The following PPP1R12B variants were observed in gnomAD, a reference collection of about 807,000 sequenced individuals.
PPP1R12B encodes the protein myosin phosphatase target subunit 2.
In PPP1R12B, 76 loss-of-function variants were observed where a neutral mutation model predicts 126.1. The observed-to-expected ratio is 0.60, with a 90% CI of 0.50 to 0.73. PPP1R12B has a LOEUF of 0.73. Among genes scored for constraint, PPP1R12B ranks in the 30% least tolerant of loss-of-function variants. The pLI is 0.00. For missense variants in PPP1R12B, 1,052 were observed against 1,205.1 expected, an observed-to-expected ratio of 0.87 and a Z score of 1.88; for synonymous variants, 356 against 434.7, an observed-to-expected ratio of 0.82 and a Z score of 2.25.
At chr1:202,386,303 A>G (rs1455038583) in intron 1 of PPP1R12B, among the ~76,000 whole-genome samples, 1 of 151,272 alleles carries the variant, frequency 6.6e-6, no homozygotes, top group African/African-American at 2.4e-5. Flanking sequence ...AATACTTATG[A>G]TGGGTTTCTG....
rs546178182 is a variant in PPP1R12B, at chr1:202,418,927, C to T, written c.422+2010C>T. ...GATCTCGTCATTTTTATTTTTGTAT[C>T]TTAAAGATCTTAGACTTTATGCTCT... is the stretch of plus-strand genomic sequence containing the variant. On this transcript the variant is annotated intron_variant, in intron 2 of 23. Transcript: ENST00000608999. Among the ~76,000 whole-genome samples, 37 of 151,962 alleles carry T rather than the reference C, an allele frequency of 2.4e-4. No homozygotes were observed. The East Asian group carries it at 5.2e-3, about 21-fold the overall frequency.
chr1:202,431,750 A>G, intron 8 of PPP1R12B, 131 bp downstream of exon 8: 1 of 859,178 alleles, frequency 1.2e-6, no homozygotes, highest in Non-Finnish European at 1.8e-6. Context: ...AGGATAAGAT[A>G]TCAAATTGCC....
At chr1:202,373,091 C>T (rs557817528) in intron 1 of PPP1R12B, among the ~76,000 whole-genome samples, 6 of 152,042 alleles carry the variant, frequency 3.9e-5, no homozygotes, top group African/African-American at 1.4e-4. Context: ...CACACCACCA[C>T]GCCTGGCTAA....
intron 8 of PPP1R12B, 64 bp from the exon 9 acceptor site, chr1:202,434,592 G>A (rs997749779): frequency 1.9e-6 from 3 of 1,563,118 alleles, no homozygotes; most frequent in Non-Finnish European, 1.7e-6. Flanking sequence ...AGCAGAAAAG[G>A]ACATAGACAC....
At chr1:202,447,816 G>A (rs1162000130) in intron 12 of PPP1R12B, among the ~76,000 whole-genome samples, 1 of 152,106 alleles carries the variant, frequency 6.6e-6, no homozygotes, top group African/African-American at 2.4e-5. Flanking sequence ...AATTTTATTA[G>A]TACTTCCTAT....
intron 2 of PPP1R12B, among the ~76,000 whole-genome samples, chr1:202,420,372 A>G (rs1029792021): frequency 6.6e-6 from 1 of 152,230 alleles, no homozygotes; most frequent in Non-Finnish European, 1.5e-5. Flanking sequence ...TGAAGGCAAA[A>G]GCATTTTAAA....
chr1:202,562,909 G>T lies in PPP1R12B; in HGVS notation c.2639G>T (p.Arg880Ile). The T allele has an allele frequency of 6.3e-7, 1 of 1,575,424 alleles. No homozygotes were observed. Among genetic ancestry groups the T allele is most frequent in the Middle Eastern group, 1.7e-4 (1 of 5,822 alleles). Residue 880 changes from arginine to isoleucine, a missense_variant, in exon 20 of 24, where the codon AGA becomes ATA. Transcript: ENST00000608999. ...LTSRVEEDSN[R>I]DYKKLYESAL... ...AGCCGTGTAGAAGAAGACAGCAACA[G>T]AGATTATAAAAAAGTAGGGTCTTTA... is the stretch of plus-strand genomic sequence containing the variant.
chr1:202,394,248 G>A lies in PPP1R12B; in HGVS notation c.292-22539G>A, dbSNP rs568437969. On this transcript the variant is annotated intron_variant, in intron 1 of 23. Transcript: ENST00000608999. ...TGCTGAGATCGCGCCAGCCAAGATCGCAGCTGAGATCATACCACTGCGCTC... is the reference window on the plus strand; with the variant it reads ...TGCTGAGATCGCGCCAGCCAAGATCACAGCTGAGATCATACCACTGCGCTC... 4.0e-5 allele frequency among the ~76,000 whole-genome samples: 6 copies of A among 151,824 alleles called. No homozygotes were observed. The East Asian group carries it at 9.8e-4, about 25-fold the overall frequency.
rs765407357 is a variant in PPP1R12B, at chr1:202,495,639, A to G, written c.2405A>G (p.Lys802Arg). Reference protein sequence around the residue: ...RLSIRERRRPKERRRGTGINF... With the variant: ...RLSIRERRRPRERRRGTGINF... ...TCCATCCGAGAGAGGAGGCGGCCCA[A>G]GGAACGACGAAGAGGCACAGGCATC... is the stretch of plus-strand genomic sequence containing the variant. The change falls in exon 17 of 24, where the codon AAG becomes AGG. Residue 802 changes from lysine (K) to arginine (R), a missense_variant. Coordinates refer to ENST00000608999, the MANE Select transcript of PPP1R12B (RefSeq NM_002481.4). 3.7e-6 allele frequency: 6 copies of G among 1,614,164 alleles called. No individual in the cohort carries two copies. The highest frequency in any genetic ancestry group is 1.6e-4 in the Middle Eastern group (1 of 6,062).
chr1:202,453,978 C>T (rs1441053350), intron 13 of PPP1R12B, among the ~76,000 whole-genome samples: 4 of 152,072 alleles, frequency 2.6e-5, no homozygotes, highest in Admixed American at 2.6e-4. Flanking sequence ...AATTTAGATA[C>T]TATTAGTTTC....
chr1:202,351,502 G>A (rs1656001669), intron 1 of PPP1R12B, among the ~76,000 whole-genome samples: 1 of 152,102 alleles, frequency 6.6e-6, no homozygotes, highest in South Asian at 2.1e-4. Context: ...GCCTCCCAAA[G>A]TGCTGGGATT....
Position 202,481,542 on chromosome 1 carries a change from TAAA to T in PPP1R12B, c.1851-6984_1851-6982del, listed in dbSNP as rs568589822. Among the ~76,000 whole-genome samples the T allele has an allele frequency of 4.2e-5, 5 of 117,752 alleles. 1 individual carries two copies. Among genetic ancestry groups the T allele is most frequent in the Admixed American group, 4.1e-4 (4 of 9,704 alleles). 77.2% of individuals were successfully genotyped at this position (117,752 alleles called of 152,430 possible). The stretch of plus-strand genomic sequence containing the variant: ...GTTTTGGAAGATATAGTTTTTTTAA[TAAA>T]AAAAAATTGATGTTAAAATGTATTA... On this transcript the variant is annotated intron_variant, in intron 13 of 23. Transcript: ENST00000608999.
Position 202,479,712 on chromosome 1 carries a change from G to T in PPP1R12B, c.1851-8821G>T, listed in dbSNP as rs1358965279. Among the ~76,000 whole-genome samples, 3 of 152,326 alleles carry T rather than the reference G, an allele frequency of 2.0e-5. No homozygotes were observed. The East Asian group carries it at 5.8e-4, about 29-fold the overall frequency. On this transcript the variant is annotated intron_variant, in intron 13 of 23. Transcript: ENST00000608999. ...AAGTGGATTAAGGTACTTTGCCTTA[G>T]TCTCCTGGTTCTTAAAATGTGGTCC...
intron 13 of PPP1R12B, among the ~76,000 whole-genome samples, chr1:202,476,876 T>C (rs1676742546): frequency 6.6e-6 from 1 of 151,982 alleles, no homozygotes; most frequent in Non-Finnish European, 1.5e-5. Context: ...GGACAAAATT[T>C]ATTTTGTTAT....
intron 18 of PPP1R12B, chr1:202,502,490 G>A (rs1680338204): frequency 1.0e-6 from 1 of 977,202 alleles, no homozygotes; most frequent in Admixed American, 6.2e-5. Context: ...ACTTTTGTAA[G>A]CATCTTAATT....
intron 13 of PPP1R12B, among the ~76,000 whole-genome samples, chr1:202,458,973 G>A (rs538668069): frequency 6.7e-4 from 102 of 152,310 alleles, no homozygotes; most frequent in African/African-American, 2.3e-3. Context: ...ACTTCAGTTG[G>A]GGAGTGGGTT....
At chr1:202,561,174 A>G (rs1262606975) in intron 19 of PPP1R12B, among the ~76,000 whole-genome samples, 1 of 152,128 alleles carries the variant, frequency 6.6e-6, no homozygotes, top group Non-Finnish European at 1.5e-5. Flanking sequence ...GTTCATAATG[A>G]TTTTAAAATA....
At chr1:202,377,332 T>TC (rs763659569) in intron 1 of PPP1R12B, among the ~76,000 whole-genome samples, 22 of 152,038 alleles carry the variant, frequency 1.4e-4, no homozygotes, top group South Asian at 2.1e-4. Context: ...TTTTTTTTTT[T>TC]CGCTCTGTCG....
chr1:202,415,691 A>G (rs947870098), intron 1 of PPP1R12B, among the ~76,000 whole-genome samples: 1 of 152,200 alleles, frequency 6.6e-6, no homozygotes, highest in African/African-American at 2.4e-5. Flanking sequence ...GCCTTTATTC[A>G]GAAAGCTTCT....
Sources: gnomAD v4.1 joint callset for allele counts (sites outside exome capture counted in the v4.1 genomes callset) on GRCh38, gnomAD v4.1.1 for gene constraint, MANE v1.5 for transcripts, NCBI Gene and HGNC (gene_info 2026-07-23, HGNC 2026-07-21) for gene names.